The following TSPAN18 variants were observed in gnomAD, a reference collection of about 807,000 sequenced individuals.
TSPAN18 encodes tetraspanin 18.
Under a neutral mutation model 27.3 loss-of-function variants are expected in TSPAN18, and 14 were observed. That is an observed-to-expected ratio of 0.51 (90% CI 0.34 to 0.80). The LOEUF is 0.80. Among genes scored for constraint, TSPAN18 ranks in the 30% least tolerant of loss-of-function variants. TSPAN18 has a pLI of 0.01. For missense variants in TSPAN18, 268 were observed against 323.9 expected (o/e 0.83, Z 1.32); for synonymous variants, 143 against 136.5 (o/e 1.05, Z -0.33).
chr11:44,754,584 A>G (rs1855288923), intron 1 of TSPAN18, among the ~76,000 whole-genome samples: 2 of 152,218 alleles, frequency 1.3e-5, no homozygotes, highest in Admixed American at 1.3e-4. Context: ...CAAACAGCCC[A>G]ATGACCCAAG....
intron 7 of TSPAN18, 87 bp from the exon 8 acceptor site, chr11:44,919,730 C>A (rs997959561): frequency 7.4e-7 from 1 of 1,354,882 alleles, no homozygotes; most frequent in East Asian, 2.3e-5. Flanking sequence ...TGATGCCACT[C>A]CTTTGCAGAG....
At chr11:44,782,435 C>T (rs1448069484) in intron 2 of TSPAN18, among the ~76,000 whole-genome samples, 6 of 151,152 alleles carry the variant, frequency 4.0e-5, no homozygotes, top group Non-Finnish European at 7.4e-5. Context: ...CCCAGCTACT[C>T]GGGAGGCTGA....
chr11:44,851,711 G>A (rs1040180637), intron 2 of TSPAN18, among the ~76,000 whole-genome samples: 1 of 150,910 alleles, frequency 6.6e-6, no homozygotes, highest in African/African-American at 2.4e-5. Flanking sequence ...TACACCTGCC[G>A]TGCAAATGGA....
chr11:44,783,462 G>A (rs1270394492), intron 2 of TSPAN18, among the ~76,000 whole-genome samples: 2 of 150,354 alleles, frequency 1.3e-5, no homozygotes, highest in Non-Finnish European at 3.0e-5. Context: ...GCAGTGGTGT[G>A]ATCTCGGCTC....
intron 2 of TSPAN18, among the ~76,000 whole-genome samples, chr11:44,788,782 G>A (rs1856123227): frequency 6.6e-6 from 1 of 152,162 alleles, no homozygotes; most frequent in Admixed American, 6.6e-5. Flanking sequence ...AAGTATTTGT[G>A]AGAGCTGGCA....
chr11:44,923,568 C>A (rs746410430), intron 8 of TSPAN18, among the ~76,000 whole-genome samples: 3 of 152,132 alleles, frequency 2.0e-5, no homozygotes, highest in Non-Finnish European at 2.9e-5. Context: ...CTCATGCCAG[C>A]CCCCTTTCCC....
intron 1 of TSPAN18, among the ~76,000 whole-genome samples, chr11:44,754,927 C>T (rs1855297407): frequency 6.6e-6 from 1 of 152,206 alleles, no homozygotes; most frequent in African/African-American, 2.4e-5. Context: ...CATGCTCTTT[C>T]CTACTCAGTT....
At chr11:44,812,501 C>T (rs914579711) in intron 2 of TSPAN18, among the ~76,000 whole-genome samples, 5 of 152,078 alleles carry the variant, frequency 3.3e-5, no homozygotes, top group Admixed American at 6.5e-5. Flanking sequence ...GTGGGGATGA[C>T]GCATAAACAG....
rs1565158369 is a variant in TSPAN18 at position 44,807,212 on chromosome 11, AAAAAAAAAAAAAAAAAAAAAAAAAG to A, written c.-153+42703_-153+42727del. On this transcript the variant is annotated intron_variant, in intron 2 of 9. Transcript: ENST00000520358. ...TCTCTTAAAAAAAAAAAAAAAAAAAAAAAAAAAAAAAAAAAAAAAAAAAAGAAGGAAAGAGGCCAGGCACCGTGGC... is the reference window on the plus strand; with the variant it reads ...TCTCTTAAAAAAAAAAAAAAAAAAAAAAGGAAAGAGGCCAGGCACCGTGGC... 2.2e-4 allele frequency among the ~76,000 whole-genome samples: 11 copies of A among 49,758 alleles called. 1 individual carries two copies. The highest frequency in any genetic ancestry group is 4.3e-4 in the Non-Finnish European group (6 of 14,056). The allele number at this position is 49,758 out of a possible 152,430, so 32.6% of individuals were successfully genotyped here. A position where few individuals can be genotyped will look rare whatever the true frequency, so the allele number is the denominator to read the frequency against.
At chr11:44,914,393 T>G (rs1403609415) in intron 5 of TSPAN18, among the ~76,000 whole-genome samples, 4 of 152,194 alleles carry the variant, frequency 2.6e-5, no homozygotes, top group Non-Finnish European at 5.9e-5. Flanking sequence ...AACCTTAGAT[T>G]CCTCATATAC....
rs555425256 is a variant in TSPAN18, at chr11:44,790,419, G to T, written c.-153+25907G>T. 1.1e-3 allele frequency among the ~76,000 whole-genome samples: 159 copies of T among 150,638 alleles called. 3 individuals are homozygous for T. Among genetic ancestry groups the T allele is most frequent in the Non-Finnish European group, 2.2e-4 (15 of 67,608 alleles). ...CTCTTGCTTGTACGTGTGTGCATGT[G>T]TGTGCATGTGTGTGTACATGTGTTC... On this transcript the variant is annotated intron_variant, in intron 2 of 9. Coordinates refer to ENST00000520358, the MANE Select transcript of TSPAN18 (RefSeq NM_130783.5).
chr11:44,924,732 G>C (rs1860284101), intron 8 of TSPAN18, among the ~76,000 whole-genome samples: 1 of 146,834 alleles, frequency 6.8e-6, no homozygotes, highest in Admixed American at 6.9e-5. Flanking sequence ...GGGTTCTAAT[G>C]CTTCAAAATC....
intron 1 of TSPAN18, among the ~76,000 whole-genome samples, chr11:44,752,606 A>C (rs553113873): frequency 6.6e-6 from 1 of 152,232 alleles, no homozygotes; most frequent in African/African-American, 2.4e-5. Flanking sequence ...GTATGCATAC[A>C]TATATCTCTA....
chr11:44,818,830 C>G (rs1476962877), intron 2 of TSPAN18, among the ~76,000 whole-genome samples: 1 of 152,164 alleles, frequency 6.6e-6, no homozygotes. Flanking sequence ...GGAGTCCTGG[C>G]TGGGGCTCAA....
intron 5 of TSPAN18, among the ~76,000 whole-genome samples, chr11:44,916,796 G>C (rs1273165609): frequency 1.1e-4 from 17 of 152,276 alleles, no homozygotes; most frequent in Non-Finnish European, 1.5e-5. Flanking sequence ...CTGCTGCCTG[G>C]GTGCCTGGGA....
rs138141591 is a variant in TSPAN18, at chr11:44,809,132, C to T, written c.-153+44620C>T. On this transcript the variant is annotated intron_variant, in intron 2 of 9. Coordinates refer to ENST00000520358, the MANE Select transcript of TSPAN18 (RefSeq NM_130783.5). ...CACAGAGAGGTTAGGTGACTTCCCA[C>T]AGCCACACAGCCCATCTGTGGTGGA... 3.3e-3 allele frequency among the ~76,000 whole-genome samples: 504 copies of T among 152,260 alleles called. 3 individuals carry two copies. The highest frequency in any genetic ancestry group is 0.012 in the African/African-American group (487 of 41,530).
intron 2 of TSPAN18, among the ~76,000 whole-genome samples, chr11:44,790,343 GTGT>G (rs1483539440): frequency 1.3e-5 from 2 of 151,132 alleles, no homozygotes; most frequent in East Asian, 3.9e-4. Flanking sequence ...ATGTGTGCAT[GTGT>G]TGGTGTGTGT....
At chr11:44,871,274 G>T (rs902491719) in intron 3 of TSPAN18, among the ~76,000 whole-genome samples, 1 of 152,132 alleles carries the variant, frequency 6.6e-6, no homozygotes, top group Non-Finnish European at 1.5e-5. Context: ...GCATGGTAGG[G>T]TTCCTGGTGA....
At position 44,908,821 on chromosome 11, in the gene TSPAN18, A is replaced by G. The variant is rs980770596; in HGVS notation, c.64-884A>G. Among the ~76,000 whole-genome samples the G allele has an allele frequency of 3.1e-3, 354 of 114,380 alleles. 70 individuals are homozygous for G. Among genetic ancestry groups the G allele is most frequent in the African/African-American group, 0.013 (345 of 27,390 alleles). 75.0% of individuals were successfully genotyped at this position (114,380 alleles called of 152,430 possible). On this transcript the variant is annotated intron_variant, in intron 4 of 9. Transcript: ENST00000520358. ...AAAGAAAGAAAGAAAGAAAGAAAGAAAGAAAGAAAAAGAAAAATGGAGCAG... is the reference window on the plus strand; with the variant it reads ...AAAGAAAGAAAGAAAGAAAGAAAGAGAGAAAGAAAAAGAAAAATGGAGCAG...
Sources: gnomAD v4.1 joint callset for allele counts (sites outside exome capture counted in the v4.1 genomes callset) on GRCh38, gnomAD v4.1.1 for gene constraint, MANE v1.5 for transcripts, NCBI Gene and HGNC (gene_info 2026-07-23, HGNC 2026-07-21) for gene names.